The following PPARA variants were observed in gnomAD, a reference collection of about 807,000 sequenced individuals.
PPARA encodes the protein peroxisome proliferator activated receptor alpha.
A neutral mutation model predicts 42.2 loss-of-function variants in PPARA; 22 were observed. That is an observed-to-expected ratio of 0.52 (90% CI 0.37 to 0.74). The LOEUF is 0.74. Among genes scored for constraint, PPARA ranks in the 30% least tolerant of loss-of-function variants. The pLI is 0.00. For missense variants in PPARA, 465 were observed against 608.2 expected (o/e 0.76, Z 2.48); for synonymous variants, 242 against 239.3 (o/e 1.01, Z -0.10).
chr22:46,211,613 A>G lies in PPARA; in HGVS notation c.209-3560A>G, dbSNP rs888366407. 1.3e-5 allele frequency among the ~76,000 whole-genome samples: 2 copies of G among 152,202 alleles called. No homozygotes were observed. The highest frequency in any genetic ancestry group is 4.8e-5 in the African/African-American group (2 of 41,450). ...GTTTTATTTGCACACATTAGGTTCAATCTGAACTATAAAGTTCTGTGGGTT... is the reference window on the plus strand; with the variant it reads ...GTTTTATTTGCACACATTAGGTTCAGTCTGAACTATAAAGTTCTGTGGGTT... On this transcript the variant is annotated intron_variant, in intron 4 of 8. Transcript: ENST00000407236. The surrounding 1 kb of genome is among the most constrained non-coding windows in gnomAD (Gnocchi z 4.1).
chr22:46,206,171 G>A (rs1174288726), intron 4 of PPARA, among the ~76,000 whole-genome samples: 3 of 151,862 alleles, frequency 2.0e-5, no homozygotes, highest in Admixed American at 1.3e-4. Flanking sequence ...GCGCTATCTC[G>A]GCTCACTGCA....
chr22:46,172,820 C>G (rs1007105321), intron 2 of PPARA, among the ~76,000 whole-genome samples: 3 of 152,144 alleles, frequency 2.0e-5, no homozygotes, highest in African/African-American at 4.8e-5. Flanking sequence ...GAGTAGGAAG[C>G]CTCGTTGCTT....
Position 46,225,839 on chromosome 22 carries a change from CCA to C in PPARA, c.711+5831_711+5832del, listed in dbSNP as rs1301194253. ...CATGCACACAGACGCACCTCCACCCCCACACACGCACACACACACATGCACCC... is the reference window on the plus strand; with the variant it reads ...CATGCACACAGACGCACCTCCACCCCCACACGCACACACACACATGCACCC... On this transcript the variant is annotated intron_variant, in intron 7 of 8. Coordinates refer to ENST00000407236, the MANE Select transcript of PPARA (RefSeq NM_005036.6). This position sits in a 1 kb window ranked among gnomAD's most constrained non-coding sequence, Gnocchi z 4.1. Among the ~76,000 whole-genome samples the C allele has an allele frequency of 2.0e-5, 3 of 150,526 alleles. No individual in the cohort carries two copies. Among genetic ancestry groups the C allele is most frequent in the African/African-American group, 7.3e-5 (3 of 40,850 alleles).
rs574822400 is a variant in PPARA at position 46,201,326 on chromosome 22, C to CT, written c.208+2736dup. On this transcript the variant is annotated intron_variant, in intron 4 of 8. Coordinates refer to ENST00000407236, the MANE Select transcript of PPARA (RefSeq NM_005036.6). ...AGAGGCAAGTGAGCCCCTGAGGACTCTGGGGGGCCTTTGTGACCGAGCAGC... is the reference window on the plus strand; with the variant it reads ...AGAGGCAAGTGAGCCCCTGAGGACTCTTGGGGGGCCTTTGTGACCGAGCAGC... 3.2e-3 allele frequency among the ~76,000 whole-genome samples: 491 copies of CT among 152,244 alleles called. 2 individuals are homozygous for CT. Among genetic ancestry groups the CT allele is most frequent in the African/African-American group, 0.011 (475 of 41,554 alleles).
rs1926275661 is a variant in PPARA at position 46,162,093 on chromosome 22, A to G, written c.-127+10123A>G. Among the ~76,000 whole-genome samples, 1 of 152,190 alleles carries G rather than the reference A, an allele frequency of 6.6e-6. No homozygotes were observed. Among genetic ancestry groups the G allele is most frequent in the South Asian group, 2.1e-4 (1 of 4,830 alleles). ...GGACATCAAAGGCAGGACAAGGTGT[A>G]GGGTCCTCACCCACCACTTAGCAGC... On this transcript the variant is annotated intron_variant, in intron 2 of 8. Transcript: ENST00000407236. This position sits in a 1 kb window ranked among gnomAD's most constrained non-coding sequence, Gnocchi z 6.0.
At chr22:46,205,409 G>A (rs1411012753) in intron 4 of PPARA, among the ~76,000 whole-genome samples, 4 of 146,606 alleles carry the variant, frequency 2.7e-5, no homozygotes, top group Non-Finnish European at 6.0e-5. Context: ...TTGTAGAGAC[G>A]GGGTTTCGCC....
rs917627150 is a variant in PPARA at position 46,237,229 on chromosome 22, G to C, written c.*1849G>C. 1 of 152,184 alleles carries C rather than the reference G, an allele frequency of 6.6e-6. No homozygotes were observed. Among genetic ancestry groups the C allele is most frequent in the African/African-American group, 2.4e-5 (1 of 41,424 alleles). The allele number at this position is 152,184 out of a possible 1,614,324, so 9.4% of individuals were successfully genotyped here. Reference sequence around the variant, plus strand: ...CGAGAGTGGGAAGGACACAGTGTGAGACTTCCACTAGAAAAAAGTGAAAGT... The same window carrying C: ...CGAGAGTGGGAAGGACACAGTGTGACACTTCCACTAGAAAAAAGTGAAAGT... On this transcript the variant is annotated 3_prime_UTR_variant, in exon 9 of 9. Transcript: ENST00000407236. This position sits in a 1 kb window ranked among gnomAD's most constrained non-coding sequence, Gnocchi z 6.7.
intron 2 of PPARA, chr22:46,176,092 T>C (rs1177365600): frequency 6.6e-6 from 1 of 152,182 alleles, no homozygotes; most frequent in African/African-American, 2.4e-5. Context: ...GGAGCCGAAA[T>C]TGTGCCACTG....
rs937788466 is a variant in PPARA, at chr22:46,225,037, G to A, written c.711+5023G>A. On this transcript the variant is annotated intron_variant, in intron 7 of 8. Coordinates refer to ENST00000407236, the MANE Select transcript of PPARA (RefSeq NM_005036.6). The surrounding 1 kb of genome is among the most constrained non-coding windows in gnomAD (Gnocchi z 4.1). ...TAGAATCAGCCAGGAGGCTTGGGTC[G>A]GGGTTGGAACCGGCCAGGGTGCACG... Among the ~76,000 whole-genome samples, 1 of 152,274 alleles carries A rather than the reference G, an allele frequency of 6.6e-6. No individual in the cohort carries two copies. The highest frequency in any genetic ancestry group is 3.4e-3 in the Middle Eastern group (1 of 294).
intron 7 of PPARA, chr22:46,220,473 C>T: frequency 4.5e-6 from 1 of 220,986 alleles, no homozygotes; most frequent in East Asian, 1.2e-4. Flanking sequence ...CACCACCACA[C>T]CTGGCTATGT....
chr22:46,215,191 C>T lies in PPARA; in HGVS notation c.227C>T (p.Ser76Leu), dbSNP rs766483864. The change falls in exon 5 of 9, where the codon TCG becomes TTG. Residue 76 changes from serine to leucine, a missense_variant. Physicochemically the swap from Ser to Leu is moderately radical, Grantham distance 145. Transcript: ENST00000407236. ...SVITDTLSPASSPSSVTYPVV... is the reference protein window; with the variant it reads ...SVITDTLSPALSPSSVTYPVV... ...TCCCCAGACACGCTTTCACCAGCTT[C>T]GAGCCCCTCCTCGGTGACTTATCCT... 1.2e-6 allele frequency: 2 copies of T among 1,613,954 alleles called. No individual in the cohort carries two copies. The highest frequency in any genetic ancestry group is 1.3e-5 in the African/African-American group (1 of 74,928).
intron 2 of PPARA, among the ~76,000 whole-genome samples, chr22:46,157,286 A>G (rs1925442829): frequency 6.6e-6 from 1 of 152,266 alleles, no homozygotes; most frequent in African/African-American, 2.4e-5. Context: ...TGGTCACCAC[A>G]GTACTGAGAT....
rs1930713210 is a variant in PPARA at position 46,185,946 on chromosome 22, TATATATATATATATATATACAC to T, written c.-43+9112_-43+9133del. Among the ~76,000 whole-genome samples, 3 of 53,066 alleles carry T rather than the reference TATATATATATATATATATACAC, an allele frequency of 5.7e-5. 1 individual carries two copies. The highest frequency in any genetic ancestry group is 1.9e-4 in the African/African-American group (3 of 15,544). The allele number at this position is 53,066 out of a possible 152,430, so 34.8% of individuals were successfully genotyped here. A position where few individuals can be genotyped will look rare whatever the true frequency, so the allele number is the denominator to read the frequency against. The stretch of plus-strand genomic sequence containing the variant: ...ATATATATATATATATATATATATA[TATATATATATATATATATACAC>T]ACACACTAACCTTCAGCATATAGGA... On this transcript the variant is annotated intron_variant, in intron 3 of 8. Coordinates refer to ENST00000407236, the MANE Select transcript of PPARA (RefSeq NM_005036.6).
rs564347376 is a variant in PPARA at position 46,238,022 on chromosome 22, T to A, written c.*2642T>A. 1 of 152,210 alleles carries A rather than the reference T, an allele frequency of 6.6e-6. No individual in the cohort carries two copies. The highest frequency in any genetic ancestry group is 1.5e-5 in the Non-Finnish European group (1 of 68,034). The allele number at this position is 152,210 out of a possible 1,614,324, so 9.4% of individuals were successfully genotyped here. On this transcript the variant is annotated 3_prime_UTR_variant, in exon 9 of 9. Coordinates refer to ENST00000407236, the MANE Select transcript of PPARA (RefSeq NM_005036.6). This position sits in a 1 kb window ranked among gnomAD's most constrained non-coding sequence, Gnocchi z 8.3. ...AAAACCTGTTTAAAATAGCTCCCCG[T>A]CTCAGGCTTTCAGCAGTAACAGTGA...
chr22:46,225,400 G>A lies in PPARA; in HGVS notation c.711+5386G>A, dbSNP rs569717863. Among the ~76,000 whole-genome samples the A allele has an allele frequency of 6.6e-6, 1 of 152,252 alleles. No individual in the cohort carries two copies. The highest frequency in any genetic ancestry group is 1.9e-4 in the East Asian group (1 of 5,176). On this transcript the variant is annotated intron_variant, in intron 7 of 8. Transcript: ENST00000407236. This position sits in a 1 kb window ranked among gnomAD's most constrained non-coding sequence, Gnocchi z 4.1. ...AAACATAAGATGTTGACCTGTCAGG[G>A]GTTGAGAATGTCGTCAGAAGACTTT...
Position 46,221,325 on chromosome 22 carries a change from A to G in PPARA, c.711+1311A>G, listed in dbSNP as rs1029812143. On this transcript the variant is annotated intron_variant, in intron 7 of 8. Transcript: ENST00000407236. The surrounding 1 kb of genome is among the most constrained non-coding windows in gnomAD (Gnocchi z 5.9). ...ACTGGGGATTACAGTTCACCATGAGATTTGGGTGGGGACACAGAGCCAAAC... is the reference window on the plus strand; with the variant it reads ...ACTGGGGATTACAGTTCACCATGAGGTTTGGGTGGGGACACAGAGCCAAAC... Among the ~76,000 whole-genome samples the G allele has an allele frequency of 6.6e-6, 1 of 152,172 alleles. No individual in the cohort carries two copies. Among genetic ancestry groups the G allele is most frequent in the Non-Finnish European group, 1.5e-5 (1 of 68,014 alleles).
chr22:46,215,698 C>A (rs932724094), intron 5 of PPARA, among the ~76,000 whole-genome samples: 3 of 151,216 alleles, frequency 2.0e-5, no homozygotes, highest in African/African-American at 7.3e-5. Flanking sequence ...GCCAAGATTG[C>A]GCCACTGCAC....
At chr22:46,189,495 C>T (rs1931248970) in intron 3 of PPARA, among the ~76,000 whole-genome samples, 1 of 152,116 alleles carries the variant, frequency 6.6e-6, no homozygotes, top group South Asian at 2.1e-4. Context: ...TGGGCAAGAT[C>T]TAGATGTATC....
chr22:46,202,147 A>G (rs1039737412), intron 4 of PPARA, among the ~76,000 whole-genome samples: 3 of 152,064 alleles, frequency 2.0e-5, no homozygotes, highest in Non-Finnish European at 2.9e-5. Flanking sequence ...AGGGCTGCCC[A>G]GCCCCCTCCT....
Sources: gnomAD v4.1 joint callset for allele counts (sites outside exome capture counted in the v4.1 genomes callset) on GRCh38, gnomAD v4.1.1 for gene constraint, Gnocchi (gnomAD v3.1) non-coding constraint, MANE v1.5 for transcripts, NCBI Gene and HGNC (gene_info 2026-07-23, HGNC 2026-07-21) for gene names.